ENOX2: variants seen among roughly 807,000 people sequenced by gnomAD.
ENOX2 encodes APK1 antigen.
Under a neutral mutation model 45.0 loss-of-function variants are expected in ENOX2, and 36 were observed. The ratio of observed to expected loss-of-function variants is 0.80; its 90% confidence interval spans 0.61 to 1.06. The LOEUF is 1.06. Ranked by LOEUF, ENOX2 falls within the 50% of genes least tolerant of loss-of-function variation. ENOX2 has a pLI of 0.00. For missense variants in ENOX2, 423 were observed against 462.5 expected (o/e 0.91, Z 0.78); for synonymous variants, 174 against 152.3 (o/e 1.14, Z -1.05).
chrX:130,759,862 T>C (rs949787230), intron 3 of ENOX2, among the ~76,000 whole-genome samples: 3 of 110,976 alleles, frequency 2.7e-5, no homozygotes, highest in Non-Finnish European at 5.7e-5. Context: ...AAAATTTTGA[T>C]AGAGATTGCA....
intron 4 of ENOX2, among the ~76,000 whole-genome samples, chrX:130,702,618 T>G (rs1440561827): frequency 8.9e-6 from 1 of 111,771 alleles, no homozygotes; most frequent in Admixed American, 9.5e-5. Context: ...GTCCACCATG[T>G]CAATTCTATT....
chrX:130,737,490 T>C (rs1190379745), intron 3 of ENOX2, among the ~76,000 whole-genome samples: 2 of 112,532 alleles, frequency 1.8e-5, no homozygotes, highest in African/African-American at 6.5e-5. Flanking sequence ...AACTTACTTC[T>C]GAAATGCTTC....
At chrX:130,771,557 G>T (rs1347830533) in intron 3 of ENOX2, among the ~76,000 whole-genome samples, 1 of 111,694 alleles carries the variant, frequency 9.0e-6, no homozygotes, top group African/African-American at 3.3e-5. Flanking sequence ...AAGTTTTTTG[G>T]ATCTATCTCC....
At chrX:130,828,399 C>T (rs780292647) in intron 2 of ENOX2, among the ~76,000 whole-genome samples, 82 of 112,008 alleles carry the variant, frequency 7.3e-4, no homozygotes, top group Non-Finnish European at 1.4e-3. Flanking sequence ...ATACATTTAA[C>T]AAGAAAGACT....
chrX:130,661,078 C>CA (rs2036675521), intron 9 of ENOX2, among the ~76,000 whole-genome samples: 1 of 111,843 alleles, frequency 8.9e-6, no homozygotes, highest in South Asian at 3.8e-4. Context: ...TATAGTTTCA[C>CA]AAAAATGTAT....
At chrX:130,816,079 A>AAAAC (rs1303386888) in intron 2 of ENOX2, among the ~76,000 whole-genome samples, 1 of 111,576 alleles carries the variant, frequency 9.0e-6, no homozygotes, top group Non-Finnish European at 1.9e-5. Context: ...AAGCAAAACA[A>AAAAC]AAACAAACAA....
chrX:130,765,546 G>A (rs960693430), intron 3 of ENOX2, among the ~76,000 whole-genome samples: 2 of 111,430 alleles, frequency 1.8e-5, no homozygotes, highest in Admixed American at 1.9e-4. Flanking sequence ...GTGTGTGGTT[G>A]TAGTTCATTT....
At chrX:130,731,154 C>G (rs1456473826) in intron 3 of ENOX2, among the ~76,000 whole-genome samples, 1 of 111,527 alleles carries the variant, frequency 9.0e-6, no homozygotes, top group Non-Finnish European at 1.9e-5. Flanking sequence ...GAGCAAGGTA[C>G]TTAATCTCTC....
chrX:130,882,048 G>C lies in ENOX2; in HGVS notation c.-183+19636C>G, dbSNP rs1301825157. 3.6e-5 allele frequency among the ~76,000 whole-genome samples: 4 copies of C among 111,709 alleles called. No homozygotes were observed. The Admixed American group carries it at 3.8e-4, about 11-fold the overall frequency. On this transcript the variant is annotated intron_variant, in intron 2 of 14. Coordinates refer to ENST00000394363, the MANE Select transcript of ENOX2 (RefSeq NM_006375.4). ...GAACTCAGTCTATTGGGGGAAGACA[G>C]ACCAAAAATAAATATTAAATACAGT...
chrX:130,728,021 GGCACAATGTTAA>G (rs2038647859), intron 3 of ENOX2, among the ~76,000 whole-genome samples: 1 of 111,274 alleles, frequency 9.0e-6, no homozygotes. Flanking sequence ...TTTGCCAGCT[GGCACAATGTTAA>G]GCTTTGTCAG....
intron 2 of ENOX2, among the ~76,000 whole-genome samples, chrX:130,886,523 T>C (rs1270311060): frequency 8.9e-6 from 1 of 112,250 alleles, no homozygotes. Context: ...ATCTTCTTCA[T>C]TATTATGGAC....
At chrX:130,886,094 T>C (rs1230822630) in intron 2 of ENOX2, among the ~76,000 whole-genome samples, 1 of 112,551 alleles carries the variant, frequency 8.9e-6, no homozygotes, top group Non-Finnish European at 1.9e-5. Flanking sequence ...TGCTGTTGCT[T>C]TAATTGCAGA....
At chrX:130,668,586 T>C (rs1321607198) in intron 7 of ENOX2, among the ~76,000 whole-genome samples, 1 of 111,886 alleles carries the variant, frequency 8.9e-6, no homozygotes, top group Non-Finnish European at 1.9e-5. Context: ...ATGCCTTCTG[T>C]TCTTAAAGGC....
intron 9 of ENOX2, among the ~76,000 whole-genome samples, chrX:130,659,314 CTT>C (rs1227314658): frequency 8.9e-6 from 1 of 112,029 alleles, no homozygotes; most frequent in Non-Finnish European, 1.9e-5. Flanking sequence ...ATAAAAGACT[CTT>C]TTTTTAAAAA....
chrX:130,877,992 A>T (rs781419098), intron 2 of ENOX2, among the ~76,000 whole-genome samples: 2 of 112,318 alleles, frequency 1.8e-5, no homozygotes, highest in South Asian at 7.4e-4. Flanking sequence ...ATGAAATTGT[A>T]CTCATTGTCC....
At chrX:130,825,687 C>G (rs1343168563) in intron 2 of ENOX2, among the ~76,000 whole-genome samples, 1 of 111,175 alleles carries the variant, frequency 9.0e-6, no homozygotes, top group Non-Finnish European at 1.9e-5. Context: ...CTCACTCATT[C>G]TACTCCATTT....
At position 130,783,676 on chromosome X, in the gene ENOX2, G is replaced by A. The variant is rs1422636527; in HGVS notation, c.-168C>T. On this transcript the variant is annotated 5_prime_UTR_variant, in exon 3 of 15. Transcript: ENST00000394363. ...TCGTTGTTGTTAGCAGGGTCAAAGG[G>A]CAGCTGGTTCAATCCTAAAGAAGAA... The A allele has an allele frequency of 3.2e-6, 1 of 314,794 alleles. No homozygotes were observed. Among genetic ancestry groups the A allele is most frequent in the South Asian group, 2.9e-5 (1 of 34,662 alleles). The allele number at this position is 314,794 out of a possible 1,213,427, so 25.9% of individuals were successfully genotyped here.
chrX:130,730,849 G>A (rs985290110), intron 3 of ENOX2, among the ~76,000 whole-genome samples: 2 of 111,050 alleles, frequency 1.8e-5, no homozygotes, highest in African/African-American at 6.6e-5. Context: ...TCAATAGAAA[G>A]GAATGTCTGG....
intron 3 of ENOX2, among the ~76,000 whole-genome samples, chrX:130,759,128 A>C (rs1386347372): frequency 1.8e-5 from 2 of 111,126 alleles, no homozygotes; most frequent in Non-Finnish European, 3.8e-5. Flanking sequence ...TATTTGTCTA[A>C]CCTTAGGTCC....
Sources: gnomAD v4.1 joint callset for allele counts (sites outside exome capture counted in the v4.1 genomes callset) on GRCh38, gnomAD v4.1.1 for gene constraint, MANE v1.5 for transcripts, NCBI Gene and HGNC (gene_info 2026-07-23, HGNC 2026-07-21) for gene names.